The following PRSS12 variants were observed in gnomAD, a reference collection of about 807,000 sequenced individuals.
PRSS12 encodes the protein neurotrypsin.
PRSS12 carries 85 observed loss-of-function variants against 104.4 expected under a neutral mutation model. That is an observed-to-expected ratio of 0.81 (90% CI 0.68 to 0.98). PRSS12 has a LOEUF of 0.98. Ranked by LOEUF, PRSS12 falls within the 50% of genes least tolerant of loss-of-function variation. The pLI is 0.00. For synonymous variants in PRSS12, 454 were observed against 425.2 expected (o/e 1.07, Z -0.83); for missense variants, 1,141 against 1,139.2 (o/e 1.00, Z -0.02).
chr4:118,302,687 A>C (rs1743430900), intron 8 of PRSS12, among the ~76,000 whole-genome samples: 1 of 152,232 alleles, frequency 6.6e-6, no homozygotes, highest in South Asian at 2.1e-4. Flanking sequence ...GCGGCCTCCC[A>C]AAGTGCTGGG....
chr4:118,302,727 G>A (rs1743432081), intron 8 of PRSS12, among the ~76,000 whole-genome samples: 1 of 152,060 alleles, frequency 6.6e-6, no homozygotes, highest in African/African-American at 2.4e-5. Context: ...GTGCCCAGCT[G>A]TATTGTTAAT....
intron 8 of PRSS12, among the ~76,000 whole-genome samples, chr4:118,302,674 G>A (rs182688993): frequency 0.012 from 1,858 of 152,266 alleles, 32 homozygotes; most frequent in East Asian, 0.084. Flanking sequence ...AGATCTGCCC[G>A]CCGCGGCCTC....
intron 4 of PRSS12, among the ~76,000 whole-genome samples, chr4:118,328,740 C>T (rs1723844830): frequency 6.6e-6 from 1 of 152,154 alleles, no homozygotes; most frequent in Non-Finnish European, 1.5e-5. Context: ...TTTCCCACTT[C>T]AGCCTTCCTA....
intron 2 of PRSS12, 125 bp downstream of exon 2, chr4:118,338,051 G>C: frequency 7.8e-7 from 1 of 1,281,662 alleles, no homozygotes; most frequent in Non-Finnish European, 1.1e-6. Context: ...GCTCTTTTGT[G>C]AAAAGTGAGA....
intron 4 of PRSS12, among the ~76,000 whole-genome samples, chr4:118,323,161 T>C (rs1723677519): frequency 6.6e-6 from 1 of 151,970 alleles, no homozygotes; most frequent in Non-Finnish European, 1.5e-5. Flanking sequence ...AAAGCAAATA[T>C]GGAAACTGAC....
At chr4:118,287,100 GA>G (rs1743031064) in intron 11 of PRSS12, among the ~76,000 whole-genome samples, 1 of 152,084 alleles carries the variant, frequency 6.6e-6, no homozygotes, top group African/African-American at 2.4e-5. Context: ...TTGTCAAAAT[GA>G]AGTTGTTAGT....
intron 5 of PRSS12, among the ~76,000 whole-genome samples, chr4:118,316,706 C>A (rs1390283234): frequency 6.6e-6 from 1 of 151,764 alleles, no homozygotes; most frequent in African/African-American, 2.4e-5. Context: ...CCTGTAATCC[C>A]AGCTACTTGG....
chr4:118,340,341 T>C (rs1208650937), intron 1 of PRSS12, among the ~76,000 whole-genome samples: 2 of 152,164 alleles, frequency 1.3e-5, no homozygotes, highest in African/African-American at 4.8e-5. Flanking sequence ...AGACAAATAT[T>C]TGCAATTCTT....
Position 118,352,748 on chromosome 4 carries a change from T to A in PRSS12, c.-28A>T, listed in dbSNP as rs760537025. On this transcript the variant is annotated 5_prime_UTR_variant, in exon 1 of 13. It removes an upstream start codon present in the reference 5' UTR. Coordinates refer to ENST00000296498, the MANE Select transcript of PRSS12 (RefSeq NM_003619.4). The stretch of plus-strand genomic sequence containing the variant: ...TGCCAGCGCTGCGGGGTCTGGTCCA[T>A]GCTCCCCAGCTTCTCGGGCTTGGAG... The A allele has an allele frequency of 6.2e-7, 1 of 1,601,936 alleles. No individual in the cohort carries two copies. Among genetic ancestry groups the A allele is most frequent in the Non-Finnish European group, 8.5e-7 (1 of 1,173,674 alleles).
At chr4:118,290,094 T>C (rs1345205298) in intron 11 of PRSS12, among the ~76,000 whole-genome samples, 2 of 152,214 alleles carry the variant, frequency 1.3e-5, no homozygotes, top group Non-Finnish European at 2.9e-5. Context: ...ATCTACTATG[T>C]GCCAAGTCAT....
At chr4:118,319,500 G>T (rs866568205) in intron 4 of PRSS12, among the ~76,000 whole-genome samples, 91 of 152,302 alleles carry the variant, frequency 6.0e-4, no homozygotes, top group African/African-American at 2.2e-3. Flanking sequence ...TACTAAGGAT[G>T]ACAGAAATGC....
rs1486898312 is a variant in PRSS12 at position 118,338,274 on chromosome 4, G to A, written c.543C>T (p.Gly181=). The change falls in exon 2 of 13, where the codon GGC becomes GGT. Residue 181 remains glycine (G), a synonymous_variant. Coordinates refer to ENST00000296498, the MANE Select transcript of PRSS12 (RefSeq NM_003619.4). ...RLRGGKNEFE[G]TVEVYASGVW... ...CTCCACTTGCATATACTTCCACTGT[G>A]CCTTCAAACTCATTTTTGCCGCCAC... 8 of 1,613,866 alleles carry A rather than the reference G, an allele frequency of 5.0e-6. No homozygotes were observed. Among genetic ancestry groups the A allele is most frequent in the Non-Finnish European group, 6.8e-6 (8 of 1,179,952 alleles).
At chr4:118,285,916 C>G (rs2126025944) in intron 11 of PRSS12, among the ~76,000 whole-genome samples, 1 of 152,206 alleles carries the variant, frequency 6.6e-6, no homozygotes, top group East Asian at 1.9e-4. Context: ...CTAAATTAAT[C>G]TTTGCAGCTA....
intron 3 of PRSS12, among the ~76,000 whole-genome samples, chr4:118,332,517 T>C (rs965522958): frequency 6.6e-6 from 1 of 152,166 alleles, no homozygotes; most frequent in South Asian, 2.1e-4. Context: ...AACTTCTCTG[T>C]CTCTTCTCTG....
chr4:118,316,110 AG>A, intron 6 of PRSS12, 71 bp downstream of exon 6: 1 of 1,520,816 alleles, frequency 6.6e-7, no homozygotes, highest in South Asian at 1.1e-5. Flanking sequence ...AATTACAAGT[AG>A]GGATTAACAT....
At chr4:118,327,768 A>T (rs1723813400) in intron 4 of PRSS12, among the ~76,000 whole-genome samples, 1 of 152,190 alleles carries the variant, frequency 6.6e-6, no homozygotes, top group African/African-American at 2.4e-5. Flanking sequence ...TTCTCAAGTT[A>T]TCTAATTTTC....
At chr4:118,310,964 T>C (rs1743694219) in intron 7 of PRSS12, among the ~76,000 whole-genome samples, 1 of 152,076 alleles carries the variant, frequency 6.6e-6, no homozygotes, top group Admixed American at 6.6e-5. Flanking sequence ...GGCAGGAGAA[T>C]TGCTTGAATC....
At chr4:118,337,849 T>C (rs1355303241) in intron 2 of PRSS12, among the ~76,000 whole-genome samples, 1 of 152,066 alleles carries the variant, frequency 6.6e-6, no homozygotes, top group East Asian at 1.9e-4. Flanking sequence ...TAGAATCAAA[T>C]TCTTAGAATT....
intron 11 of PRSS12, among the ~76,000 whole-genome samples, chr4:118,284,738 C>T (rs779085864): frequency 2.0e-5 from 3 of 152,138 alleles, no homozygotes; most frequent in African/African-American, 7.2e-5. Flanking sequence ...AACAATCACT[C>T]GAAAAACTAC....
Sources: gnomAD v4.1 joint callset for allele counts (sites outside exome capture counted in the v4.1 genomes callset) on GRCh38, gnomAD v4.1.1 for gene constraint, MANE v1.5 for transcripts, NCBI Gene and HGNC (gene_info 2026-07-23, HGNC 2026-07-21) for gene names.